ROBO1: variants seen among roughly 807,000 people sequenced by gnomAD.
The protein encoded by ROBO1 is roundabout homolog 1.
A neutral mutation model predicts 195.9 loss-of-function variants in ROBO1; 149 were observed. That is an observed-to-expected ratio of 0.76 (90% CI 0.67 to 0.87). The LOEUF (loss-of-function observed/expected upper bound fraction) is 0.87, where lower values mean the gene tolerates loss of function less well. Among genes scored for constraint, ROBO1 ranks in the 40% least tolerant of loss-of-function variants. The pLI, the probability that ROBO1 is intolerant of heterozygous loss-of-function variation, is 0.00. For synonymous variants in ROBO1, 816 were observed against 733.2 expected (o/e 1.11, Z -1.82); for missense variants, 1,933 against 2,068.3 (o/e 0.93, Z 1.27).
intron 5 of ROBO1, among the ~76,000 whole-genome samples, chr3:78,740,325 T>A (rs1334996692): frequency 6.6e-6 from 1 of 150,566 alleles, no homozygotes; most frequent in African/African-American, 2.5e-5. Context: ...GCAATAGCTA[T>A]TGTTATTATT....
At chr3:79,260,530 A>G (rs1285177220) in intron 2 of ROBO1, among the ~76,000 whole-genome samples, 1 of 152,186 alleles carries the variant, frequency 6.6e-6, no homozygotes, top group Non-Finnish European at 1.5e-5. Flanking sequence ...TGCTTTATAA[A>G]GAATGTTCTT....
intron 3 of ROBO1, among the ~76,000 whole-genome samples, chr3:78,971,987 C>T (rs1233248065): frequency 6.6e-6 from 1 of 152,152 alleles, no homozygotes; most frequent in Non-Finnish European, 1.5e-5. Context: ...AGGCTGGTCT[C>T]GAACTCCTGA....
At chr3:79,289,452 A>G (rs555345246) in intron 2 of ROBO1, among the ~76,000 whole-genome samples, 1 of 152,282 alleles carries the variant, frequency 6.6e-6, no homozygotes, top group African/African-American at 2.4e-5. Context: ...AGTGGAGGCA[A>G]AGTAAACTTT....
At position 78,798,179 on chromosome 3, in the gene ROBO1, T is replaced by C. The variant is rs1033907821; in HGVS notation, c.500-51279A>G. Among the ~76,000 whole-genome samples, 4 of 152,296 alleles carry C rather than the reference T, an allele frequency of 2.6e-5. No individual in the cohort carries two copies. The East Asian group carries it at 7.7e-4, about 29-fold the overall frequency. The stretch of plus-strand genomic sequence containing the variant: ...TTGGAGGTAAGACGTGATGGGGACT[T>C]TTCAAGTACAGAATATAGTGTATTA... On this transcript the variant is annotated intron_variant, in intron 4 of 30. Transcript: ENST00000464233.
chr3:78,965,280 A>G (rs551826574), intron 3 of ROBO1, among the ~76,000 whole-genome samples: 1 of 152,182 alleles, frequency 6.6e-6, no homozygotes, highest in Non-Finnish European at 1.5e-5. Context: ...GCACACTTAC[A>G]TTCAAGATTT....
At chr3:79,567,078 A>G (rs1943113885) in intron 2 of ROBO1, among the ~76,000 whole-genome samples, 1 of 152,204 alleles carries the variant, frequency 6.6e-6, no homozygotes, top group African/African-American at 2.4e-5. Flanking sequence ...CAGCCGTAAA[A>G]AGAAGAATAT....
intron 1 of ROBO1, among the ~76,000 whole-genome samples, chr3:79,750,908 G>A (rs759197730): frequency 6.6e-6 from 1 of 152,144 alleles, no homozygotes; most frequent in Non-Finnish European, 1.5e-5. Context: ...TATGAAGCTA[G>A]CACCACAGAA....
intron 4 of ROBO1, among the ~76,000 whole-genome samples, chr3:78,749,337 T>TC (rs2082732800): frequency 6.6e-6 from 1 of 152,146 alleles, no homozygotes; most frequent in African/African-American, 2.4e-5. Context: ...CTTGCAGAAA[T>TC]ATCAAAGGTC....
At chr3:79,647,644 C>T (rs988725546) in intron 1 of ROBO1, among the ~76,000 whole-genome samples, 1 of 151,900 alleles carries the variant, frequency 6.6e-6, no homozygotes, top group African/African-American at 2.4e-5. Flanking sequence ...AACCTTCTAC[C>T]CCCACCACTA....
At chr3:79,050,544 G>A (rs560815237) in intron 3 of ROBO1, among the ~76,000 whole-genome samples, 38 of 152,088 alleles carry the variant, frequency 2.5e-4, no homozygotes, top group Admixed American at 5.2e-4. Context: ...TGGACCAAGC[G>A]GACCTAATAG....
intron 21 of ROBO1, among the ~76,000 whole-genome samples, chr3:78,642,796 C>T (rs1706046748): frequency 6.6e-6 from 1 of 152,110 alleles, no homozygotes; most frequent in African/African-American, 2.4e-5. Flanking sequence ...ACTCTTCATT[C>T]TCTCTTTTCC....
chr3:79,746,256 T>TA (rs1703872512), intron 1 of ROBO1, among the ~76,000 whole-genome samples: 2 of 152,164 alleles, frequency 1.3e-5, no homozygotes, highest in South Asian at 2.1e-4. Context: ...CTTTAATCTT[T>TA]AAAAATACTG....
chr3:78,853,682 C>T (rs1236586151), intron 4 of ROBO1, among the ~76,000 whole-genome samples: 3 of 151,884 alleles, frequency 2.0e-5, no homozygotes, highest in Admixed American at 6.6e-5. Context: ...ACCAGTTGAA[C>T]GCTGTATTAG....
intron 4 of ROBO1, among the ~76,000 whole-genome samples, chr3:78,842,456 T>A (rs1172367410): frequency 1.9e-4 from 2 of 10,644 alleles, no homozygotes; most frequent in Non-Finnish European, 3.5e-4. Flanking sequence ...CCATATATAT[T>A]TTTATATATA....
At chr3:79,627,571 C>A (rs751024644) in intron 1 of ROBO1, among the ~76,000 whole-genome samples, 3 of 152,038 alleles carry the variant, frequency 2.0e-5, no homozygotes, top group Non-Finnish European at 4.4e-5. Context: ...TACGAAATAC[C>A]ATTTAGGACA....
intron 3 of ROBO1, among the ~76,000 whole-genome samples, chr3:79,096,557 C>T (rs2079570283): frequency 6.6e-6 from 1 of 151,484 alleles, no homozygotes; most frequent in Non-Finnish European, 1.5e-5. Context: ...TTCAGGCAAA[C>T]TGAAGGTTTT....
At chr3:78,835,762 C>T (rs958500606) in intron 4 of ROBO1, among the ~76,000 whole-genome samples, 1 of 152,076 alleles carries the variant, frequency 6.6e-6, no homozygotes, top group African/African-American at 2.4e-5. Flanking sequence ...GTAAGACCGC[C>T]AAATTGAACA....
At chr3:78,760,833 G>C (rs1009035348) in intron 4 of ROBO1, among the ~76,000 whole-genome samples, 2 of 151,940 alleles carry the variant, frequency 1.3e-5, no homozygotes, top group African/African-American at 4.8e-5. Flanking sequence ...TAGAGAGGGG[G>C]GTCTAACTTT....
chr3:79,753,802 T>C (rs1704246741), intron 1 of ROBO1, among the ~76,000 whole-genome samples: 1 of 152,126 alleles, frequency 6.6e-6, no homozygotes, highest in Non-Finnish European at 1.5e-5. Context: ...GGAGAAAATC[T>C]GGGAGAGAAT....
Sources: allele counts gnomAD v4.1 joint callset (sites outside exome capture counted in the v4.1 genomes callset), GRCh38; gene constraint gnomAD v4.1.1; transcripts MANE v1.5; gene names NCBI Gene and HGNC (gene_info 2026-07-23, HGNC 2026-07-21).